MTR: variants seen among roughly 807,000 people sequenced by gnomAD.
MTR encodes methionine synthase.
In MTR, 84 loss-of-function variants were observed where a neutral mutation model predicts 154.8. The ratio of observed to expected loss-of-function variants is 0.54; its 90% CI spans 0.45 to 0.65. MTR has a LOEUF of 0.65. Among genes scored for constraint, MTR ranks in the 30% least tolerant of loss-of-function variants. MTR has a pLI of 0.00. For synonymous variants in MTR, 554 were observed against 553.9 expected (o/e 1.00, Z 0.00); for missense variants, 1,275 against 1,570.2 (o/e 0.81, Z 3.18).
intron 15 of MTR, 40 bp downstream of exon 15, chr1:236,838,639 G>A (rs755178242): frequency 1.9e-6 from 3 of 1,611,090 alleles, no homozygotes; most frequent in Non-Finnish European, 2.5e-6. Context: ...GTGTTTCCCA[G>A]GTTAGATAGT....
rs200904946 is a variant in MTR, at chr1:236,880,886, T to C, written c.2676+50T>C. On this transcript the variant is annotated intron_variant, in intron 25 of 32. Transcript: ENST00000366577. The stretch of plus-strand genomic sequence containing the variant: ...TTCCAGATGTGTTGGAAAGCTTGCA[T>C]TACAAGTAAGGGTTTAACTTAAGAT... 1.2e-5 allele frequency: 18 copies of C among 1,516,022 alleles called. No individual in the cohort carries two copies. In the East Asian group the frequency reaches 3.6e-4, roughly 30 times the overall value. 93.9% of individuals were successfully genotyped at this position (1,516,022 alleles called of 1,614,324 possible).
At chr1:236,842,892 C>T (rs1663343220) in intron 15 of MTR, among the ~76,000 whole-genome samples, 1 of 151,584 alleles carries the variant, frequency 6.6e-6, no homozygotes, top group Admixed American at 6.6e-5. Context: ...TCGAGAGTAG[C>T]CTGGCCAACA....
Position 236,838,429 on chromosome 1 carries a change from G to A in MTR, c.1345G>A (p.Asp449Asn). 4.3e-6 allele frequency: 7 copies of A among 1,613,978 alleles called. No homozygotes were observed. The highest frequency in any genetic ancestry group is 5.9e-6 in the Non-Finnish European group (7 of 1,179,968). The change falls in exon 15 of 33, where the codon GAC (aspartate) becomes AAC (asparagine). Residue 449 changes from aspartate to asparagine, a missense_variant. Transcript: ENST00000366577. ...PDIAKVPLCIDSSNFAVIEAG... is the reference protein window; with the variant it reads ...PDIAKVPLCINSSNFAVIEAG... The stretch of plus-strand genomic sequence containing the variant: ...CTGATCTCAGGTACCTTTGTGCATC[G>A]ACTCCTCCAATTTTGCTGTGATTGA...
rs74992803 is a variant in MTR, at chr1:236,900,523, G to A, written c.*2879G>A. 0.024 allele frequency: 3,665 copies of A among 153,730 alleles called. 168 individuals are homozygous for A. The highest frequency in any genetic ancestry group is 0.084 in the African/African-American group (3,477 of 41,526). 9.5% of individuals were successfully genotyped at this position (153,730 alleles called of 1,614,324 possible). On this transcript the variant is annotated 3_prime_UTR_variant, in exon 33 of 33. Coordinates refer to ENST00000366577, the MANE Select transcript of MTR (RefSeq NM_000254.3). ...AGATGCCAAGTTATGCAGCTGTTCT[G>A]GTTCCTCCTGGTAGGCTTACAAGTG... is the stretch of plus-strand genomic sequence containing the variant.
At position 236,819,287 on chromosome 1, in the gene MTR, A is replaced by G. The variant is rs146062311; in HGVS notation, c.764+2744A>G. Among the ~76,000 whole-genome samples, 217 of 152,328 alleles carry G rather than the reference A, an allele frequency of 1.4e-3. 1 individual carries two copies. Among genetic ancestry groups the G allele is most frequent in the African/African-American group, 4.7e-3 (195 of 41,578 alleles). The stretch of plus-strand genomic sequence containing the variant: ...TATTCTTTTTCCTGGCCTGCTGGCA[A>G]CAAATCTTCTCACTGTCCTATAGTT... On this transcript the variant is annotated intron_variant, in intron 8 of 32. Coordinates refer to ENST00000366577, the MANE Select transcript of MTR (RefSeq NM_000254.3).
At chr1:236,845,614 A>T (rs572381738) in intron 15 of MTR, among the ~76,000 whole-genome samples, 10 of 152,356 alleles carry the variant, frequency 6.6e-5, no homozygotes, top group African/African-American at 2.2e-4. Context: ...CACCAACATT[A>T]TTGAAAATGT....
chr1:236,816,646 T>G, intron 8 of MTR, 103 bp downstream of exon 8: 1 of 941,830 alleles, frequency 1.1e-6, no homozygotes, highest in South Asian at 1.3e-5. Context: ...ATATTTTCAC[T>G]GTACCACTTC....
rs12030699 is a variant in MTR at position 236,895,448 on chromosome 1, C to T, written c.3496C>T (p.Leu1166=). 10,730 of 1,601,094 alleles carry T rather than the reference C, an allele frequency of 6.7e-3. 855 individuals carry two copies. In the East Asian group the frequency reaches 0.18, roughly 27 times the overall value. Residue 1166 remains leucine (L), a synonymous_variant, in exon 31 of 33, where the codon CTG becomes TTG. Coordinates refer to ENST00000366577, the MANE Select transcript of MTR (RefSeq NM_000254.3). ...EQLDVADLRR[L]RYKGIRPAPG... is the part of the protein sequence containing the mutation. ...GCTGGACGTCGCAGACCTGCGCAGG[C>T]TGCGGTACAAGGGCATCCGCCCGGC...
chr1:236,846,836 T>C (rs952318902), intron 15 of MTR, among the ~76,000 whole-genome samples: 4 of 152,222 alleles, frequency 2.6e-5, no homozygotes, highest in Non-Finnish European at 5.9e-5. Context: ...AGTGTCTCTC[T>C]TGAAAGGCAC....
chr1:236,895,432 C>A lies in MTR; in HGVS notation c.3480C>A (p.Val1160=). Residue 1160 remains valine, a synonymous_variant, in exon 31 of 33, where the codon GTC becomes GTA. Coordinates refer to ENST00000366577, the MANE Select transcript of MTR (RefSeq NM_000254.3). ...WAYCGSEQLD[V]ADLRRLRYKG... is the part of the protein sequence containing the mutation. Reference sequence around the variant, plus strand: ...ACTGTGGCAGTGAGCAGCTGGACGTCGCAGACCTGCGCAGGCTGCGGTACA... The same window carrying A: ...ACTGTGGCAGTGAGCAGCTGGACGTAGCAGACCTGCGCAGGCTGCGGTACA... 1 of 1,603,136 alleles carries A rather than the reference C, an allele frequency of 6.2e-7. No homozygotes were observed. Among genetic ancestry groups the A allele is most frequent in the Non-Finnish European group, 8.5e-7 (1 of 1,174,552 alleles).
At chr1:236,886,445 G>A (rs1666015616) in intron 27 of MTR, 78 bp downstream of exon 27, 6 of 1,394,220 alleles carry the variant, frequency 4.3e-6, no homozygotes, top group Non-Finnish European at 6.1e-6. Flanking sequence ...CATTTACTTG[G>A]CTGCAAAATC....
intron 5 of MTR, among the ~76,000 whole-genome samples, chr1:236,812,297 T>A (rs985022473): frequency 5.3e-5 from 8 of 152,266 alleles, no homozygotes; most frequent in East Asian, 3.8e-4. Context: ...AGAGACAAAA[T>A]CTGCGGGCTT....
At chr1:236,835,453 G>A (rs1216823823) in intron 13 of MTR, 94 bp from the exon 14 acceptor site, 1 of 1,502,706 alleles carries the variant, frequency 6.7e-7, no homozygotes, top group Non-Finnish European at 9.3e-7. Context: ...TGTGTAATTT[G>A]AAGGATTGCT....
intron 31 of MTR, 85 bp downstream of exon 31, chr1:236,895,635 T>C: frequency 7.2e-7 from 1 of 1,398,246 alleles, no homozygotes; most frequent in South Asian, 1.3e-5. Context: ...GTTAAACATG[T>C]TTTTAAAATG....
At chr1:236,886,263 CT>C in intron 26 of MTR, 28 bp from the exon 27 acceptor site, 1 of 1,592,454 alleles carries the variant, frequency 6.3e-7, no homozygotes. Flanking sequence ...CTAAGAGTGT[CT>C]AACTAATTTT....
chr1:236,854,528 A>G (rs907065879), intron 18 of MTR, among the ~76,000 whole-genome samples: 4 of 152,204 alleles, frequency 2.6e-5, no homozygotes, highest in Admixed American at 6.5e-5. Context: ...GTCATGGTCT[A>G]TCTTCTACCT....
At chr1:236,805,828 C>T (rs1003303945) in intron 2 of MTR, among the ~76,000 whole-genome samples, 8 of 152,138 alleles carry the variant, frequency 5.3e-5, no homozygotes, top group Non-Finnish European at 1.2e-4. Context: ...CATATAGCTA[C>T]CCTGTGAAGT....
Position 236,889,301 on chromosome 1 carries a change from G to C in MTR, c.2972G>C (p.Arg991Pro). The C allele has an allele frequency of 1.2e-6, 2 of 1,614,184 alleles. No individual in the cohort carries two copies. Among genetic ancestry groups the C allele is most frequent in the Non-Finnish European group, 8.5e-7 (1 of 1,180,036 alleles). Residue 991 changes from arginine to proline, a missense_variant, in exon 28 of 33, where the codon CGA becomes CCA. Arg to Pro is a moderately radical substitution (Grantham distance 103). Coordinates refer to ENST00000366577, the MANE Select transcript of MTR (RefSeq NM_000254.3). ...CAGCTCCGGGGCAAGTACCCGAATC[G>C]AGGCTTTCCCAAGATATTTAACGAC... ...VWQLRGKYPN[R>P]GFPKIFNDKT...
intron 9 of MTR, 47 bp from the exon 10 acceptor site, chr1:236,825,291 A>T (rs749768125): frequency 2.9e-6 from 4 of 1,367,184 alleles, no homozygotes; most frequent in Middle Eastern, 1.8e-4. Flanking sequence ...AATACAGTGT[A>T]TATTTTTAAG....
Sources: gnomAD v4.1 joint callset for allele counts (sites outside exome capture counted in the v4.1 genomes callset) on GRCh38, gnomAD v4.1.1 for gene constraint, MANE v1.5 for transcripts, NCBI Gene and HGNC (gene_info 2026-07-23, HGNC 2026-07-21) for gene names.